Variants in ACBD6 observed in about 807,000 individuals in gnomAD.
ACBD6 encodes the protein acyl-CoA binding domain containing 6.
In ACBD6, 28 loss-of-function variants were observed where a neutral mutation model predicts 37.2. The ratio of observed to expected loss-of-function variants is 0.75; its 90% CI spans 0.56 to 1.03. The LOEUF (loss-of-function observed/expected upper bound fraction) is 1.03. Among genes scored for constraint, ACBD6 ranks in the 50% least tolerant of loss-of-function variants. The probability of loss-of-function intolerance (pLI) is 0.00; values close to 1 mark genes in which losing one functional copy is unlikely to be tolerated. For synonymous variants in ACBD6, 113 were observed against 126.8 expected, an observed-to-expected ratio of 0.89 and a Z score of 0.73; for missense variants, 340 against 337.4, an observed-to-expected ratio of 1.01 and a Z score of -0.06.
chr1:180,404,107 C>G (rs778167277), intron 5 of ACBD6, among the ~76,000 whole-genome samples: 1 of 151,908 alleles, frequency 6.6e-6, no homozygotes, highest in African/African-American at 2.4e-5. Flanking sequence ...TGCAGCACCA[C>G]GCCTGACTAA....
intron 4 of ACBD6, among the ~76,000 whole-genome samples, chr1:180,422,464 C>G (rs987357066): frequency 6.6e-6 from 1 of 152,160 alleles, no homozygotes; most frequent in Non-Finnish European, 1.5e-5. Flanking sequence ...TCTTGGCCTT[C>G]GAAGGTGCTC....
chr1:180,406,303 A>G (rs1487395858), intron 5 of ACBD6, among the ~76,000 whole-genome samples: 1 of 152,154 alleles, frequency 6.6e-6, no homozygotes, highest in African/African-American at 2.4e-5. Flanking sequence ...TTAATCCAAA[A>G]GTCTGAAATC....
Position 180,357,257 on chromosome 1 carries a change from A to T in ACBD6, c.663+40259T>A, listed in dbSNP as rs192203905. Among the ~76,000 whole-genome samples, 73 of 152,354 alleles carry T rather than the reference A, an allele frequency of 4.8e-4. No homozygotes were observed. The East Asian group carries it at 5.2e-3, about 11-fold the overall frequency. On this transcript the variant is annotated intron_variant, in intron 6 of 7. Coordinates refer to ENST00000367595, the MANE Select transcript of ACBD6 (RefSeq NM_032360.4). ...AGGTAATAGTAGCTATATTTCGTGGATAAGGAAACTCAAGTTCAACAAGAT... is the reference window on the plus strand; with the variant it reads ...AGGTAATAGTAGCTATATTTCGTGGTTAAGGAAACTCAAGTTCAACAAGAT...
At chr1:180,295,981 A>C (rs1649900891) in intron 7 of ACBD6, among the ~76,000 whole-genome samples, 1 of 152,232 alleles carries the variant, frequency 6.6e-6, no homozygotes, top group Non-Finnish European at 1.5e-5. Flanking sequence ...AGGCATGTCA[A>C]AAACCAACAT....
At chr1:180,450,058 T>C (rs1649645347) in intron 3 of ACBD6, among the ~76,000 whole-genome samples, 1 of 146,792 alleles carries the variant, frequency 6.8e-6, no homozygotes, top group Non-Finnish European at 1.5e-5. Flanking sequence ...TAAAATAAAA[T>C]GAAATTTAAT....
intron 3 of ACBD6, among the ~76,000 whole-genome samples, chr1:180,433,670 G>C (rs1648905297): frequency 6.6e-6 from 1 of 151,950 alleles, no homozygotes; most frequent in South Asian, 2.1e-4. Context: ...ATTTGTTTTT[G>C]TCCATGGTTC....
rs543683387 is a variant in ACBD6, at chr1:180,378,262, T to A, written c.663+19254A>T. ...AGAGAAAACATCAGACAAACCCAAG[T>A]GAGGAACATTCTACAAACTAATTAG... On this transcript the variant is annotated intron_variant, in intron 6 of 7. Coordinates refer to ENST00000367595, the MANE Select transcript of ACBD6 (RefSeq NM_032360.4). 1.4e-4 allele frequency among the ~76,000 whole-genome samples: 21 copies of A among 152,138 alleles called. 1 individual carries two copies. The East Asian group carries it at 1.5e-3, about 11-fold the overall frequency.
chr1:180,319,853 G>T (rs949191583), intron 6 of ACBD6, among the ~76,000 whole-genome samples: 1 of 152,158 alleles, frequency 6.6e-6, no homozygotes, highest in African/African-American at 2.4e-5. Context: ...TTTAATGACT[G>T]AATAATACTC....
At chr1:180,413,766 G>C (rs1647961700) in intron 4 of ACBD6, among the ~76,000 whole-genome samples, 1 of 151,926 alleles carries the variant, frequency 6.6e-6, no homozygotes, top group Non-Finnish European at 1.5e-5. Context: ...ACAAAAAGAG[G>C]GGGGCATTAA....
intron 3 of ACBD6, among the ~76,000 whole-genome samples, chr1:180,460,627 T>C (rs150828569): frequency 9.8e-5 from 15 of 152,302 alleles, no homozygotes; most frequent in African/African-American, 2.6e-4. Context: ...CCTCCAGGTA[T>C]TGGAAAATCT....
chr1:180,448,318 G>C (rs1005227790), intron 3 of ACBD6, among the ~76,000 whole-genome samples: 7 of 152,246 alleles, frequency 4.6e-5, no homozygotes, highest in Non-Finnish European at 8.8e-5. Flanking sequence ...CTTGGTATGA[G>C]ATTCAACAAC....
intron 6 of ACBD6, among the ~76,000 whole-genome samples, chr1:180,342,847 G>C (rs1178019908): frequency 6.6e-6 from 1 of 151,996 alleles, no homozygotes; most frequent in Non-Finnish European, 1.5e-5. Context: ...GAATGAATAA[G>C]TGAAAGCTTT....
intron 6 of ACBD6, among the ~76,000 whole-genome samples, chr1:180,381,626 A>G (rs1009212841): frequency 3.3e-5 from 5 of 152,242 alleles, no homozygotes; most frequent in African/African-American, 1.2e-4. Flanking sequence ...CCATTGGGTC[A>G]AGAGAAAAAT....
At chr1:180,274,689 T>G in exon 10 of ACBD6, 2 of 1,288,380 alleles carry the variant, frequency 1.6e-6, no homozygotes, top group Non-Finnish European at 2.1e-6. Flanking sequence ...GAATTTCCAT[T>G]ATTTTCAATG....
chr1:180,367,104 T>C (rs1653080417), intron 6 of ACBD6, among the ~76,000 whole-genome samples: 1 of 152,208 alleles, frequency 6.6e-6, no homozygotes, highest in Non-Finnish European at 1.5e-5. Context: ...CTTTGCAGAA[T>C]AGAAACGTGA....
chr1:180,472,063 T>C (rs1202224747), intron 3 of ACBD6, among the ~76,000 whole-genome samples: 1 of 152,224 alleles, frequency 6.6e-6, no homozygotes, highest in African/African-American at 2.4e-5. Context: ...AATGATATTA[T>C]TTCTAAGGTG....
Position 180,288,335 on chromosome 1 carries a change from T to C in ACBD6, c.*28A>G. 1.2e-6 allele frequency: 2 copies of C among 1,613,398 alleles called. No homozygotes were observed. Among genetic ancestry groups the C allele is most frequent in the Non-Finnish European group, 1.7e-6 (2 of 1,179,834 alleles). ...TTTCATAATGGAAGCCTTATGCTAT[T>C]ACAGACTGCAGTTTTCCAGTCTTTT... On this transcript the variant is annotated 3_prime_UTR_variant, in exon 8 of 8. Coordinates refer to ENST00000367595, the MANE Select transcript of ACBD6 (RefSeq NM_032360.4).
At chr1:180,272,152 T>G (rs1029774975) in intron 13 of ACBD6, 10 of 708,670 alleles carry the variant, frequency 1.4e-5, no homozygotes, top group Non-Finnish European at 2.3e-5. Flanking sequence ...CAGTGAAGGG[T>G]GGGGGAAATG....
intron 4 of ACBD6, among the ~76,000 whole-genome samples, chr1:180,426,839 C>T (rs867808992): frequency 6.6e-6 from 1 of 152,186 alleles, no homozygotes; most frequent in African/African-American, 2.4e-5. Flanking sequence ...CCCCATTTTA[C>T]AGGTAAGTAA....
Sources: allele counts gnomAD v4.1 joint callset (sites outside exome capture counted in the v4.1 genomes callset), GRCh38; gene constraint gnomAD v4.1.1; transcripts MANE v1.5; gene names NCBI Gene and HGNC (gene_info 2026-07-23, HGNC 2026-07-21).